Variants in MED27 observed in about 807,000 individuals in gnomAD.
MED27 encodes the protein mediator complex subunit 27, also known as mediator of RNA polymerase II transcription subunit 27.
In MED27, 30 loss-of-function variants were observed where a neutral mutation model predicts 38.2. The ratio of observed to expected loss-of-function variants is 0.79; its 90% CI spans 0.59 to 1.07. The LOEUF (loss-of-function observed/expected upper bound fraction) is 1.07. Among genes scored for constraint, MED27 ranks in the 50% least tolerant of loss-of-function variants. MED27 has a pLI of 0.00. For missense variants in MED27, 289 were observed against 397.5 expected (o/e 0.73, Z 2.32); for synonymous variants, 122 against 153.5 (o/e 0.79, Z 1.52).
intron 2 of MED27, among the ~76,000 whole-genome samples, chr9:132,057,273 G>C (rs1009024904): frequency 6.6e-6 from 1 of 152,206 alleles, no homozygotes; most frequent in Admixed American, 6.5e-5. Context: ...CTGGTTTCAG[G>C]CAAGGCATGT....
At chr9:131,969,104 T>C (rs534113158) in intron 3 of MED27, among the ~76,000 whole-genome samples, 2 of 152,270 alleles carry the variant, frequency 1.3e-5, no homozygotes, top group Non-Finnish European at 2.9e-5. Context: ...GACAATGTAA[T>C]GATAATAGAA....
intron 1 of MED27, 131 bp downstream of exon 1, chr9:132,079,511 A>G: frequency 1.2e-6 from 1 of 815,788 alleles, no homozygotes; most frequent in East Asian, 2.6e-5. Flanking sequence ...AGAGGCTTGG[A>G]GAACAAGAAG....
intron 3 of MED27, among the ~76,000 whole-genome samples, chr9:132,005,377 T>A (rs1464291285): frequency 6.6e-6 from 1 of 152,214 alleles, no homozygotes; most frequent in Non-Finnish European, 1.5e-5. Flanking sequence ...AGGCAAGGCC[T>A]TTCTCTGTTC....
intron 2 of MED27, 127 bp from the exon 3 acceptor site, chr9:132,014,594 A>G: frequency 3.3e-6 from 3 of 900,996 alleles, no homozygotes; most frequent in Non-Finnish European, 3.2e-6. Context: ...TTCAAATACA[A>G]CTGCTCACAT....
intron 3 of MED27, among the ~76,000 whole-genome samples, chr9:131,999,033 T>C (rs2131053746): frequency 6.6e-6 from 1 of 152,260 alleles, no homozygotes; most frequent in East Asian, 1.9e-4. Flanking sequence ...AAACAAAAAT[T>C]TAAGACTGTG....
At chr9:131,882,191 C>T (rs1046114599) in intron 6 of MED27, among the ~76,000 whole-genome samples, 3 of 152,152 alleles carry the variant, frequency 2.0e-5, no homozygotes, top group Non-Finnish European at 4.4e-5. Flanking sequence ...CTCCCCTAAT[C>T]CTAGACGCCT....
chr9:132,030,199 G>A (rs1362300227), intron 2 of MED27, among the ~76,000 whole-genome samples: 3 of 152,228 alleles, frequency 2.0e-5, no homozygotes, highest in Admixed American at 1.3e-4. Flanking sequence ...CCAGAGCCAC[G>A]TTGTCTCAAA....
chr9:131,893,761 A>G (rs1315242765), intron 5 of MED27, 124 bp downstream of exon 5: 1 of 683,012 alleles, frequency 1.5e-6, no homozygotes, highest in Non-Finnish European at 2.6e-6. Context: ...CACACTGACA[A>G]ATCTATGTTT....
intron 6 of MED27, among the ~76,000 whole-genome samples, chr9:131,870,831 C>T (rs913284206): frequency 1.3e-5 from 2 of 152,212 alleles, no homozygotes; most frequent in Non-Finnish European, 2.9e-5. Flanking sequence ...TTCAACCTGT[C>T]TGGCTCCCTG....
intron 3 of MED27, among the ~76,000 whole-genome samples, chr9:132,001,085 G>A (rs1215217487): frequency 1.3e-5 from 2 of 151,768 alleles, no homozygotes; most frequent in African/African-American, 4.8e-5. Context: ...GGGCGACAAA[G>A]CAACATCCTG....
chr9:132,078,538 G>C (rs966443546), intron 1 of MED27, among the ~76,000 whole-genome samples: 1 of 152,070 alleles, frequency 6.6e-6, no homozygotes, highest in African/African-American at 2.4e-5. Flanking sequence ...AAGCGGATGT[G>C]GGCGTTGAGG....
intron 3 of MED27, among the ~76,000 whole-genome samples, chr9:131,942,346 T>A (rs531555418): frequency 3.3e-5 from 5 of 152,192 alleles, no homozygotes; most frequent in African/African-American, 1.2e-4. Context: ...TGAAGGCACA[T>A]GACAAAAACA....
rs991210554 is a variant in MED27 at position 131,862,062 on chromosome 9, C to T, written c.801+1001G>A. 3.9e-5 allele frequency among the ~76,000 whole-genome samples: 6 copies of T among 152,210 alleles called. No homozygotes were observed. Among genetic ancestry groups the T allele is most frequent in the Non-Finnish European group, 7.3e-5 (5 of 68,032 alleles). On this transcript the variant is annotated intron_variant, in intron 7 of 7. Coordinates refer to ENST00000292035, the MANE Select transcript of MED27 (RefSeq NM_004269.4). The surrounding 1 kb of genome is among the most constrained non-coding windows in gnomAD (Gnocchi z 4.6). Reference sequence around the variant, plus strand: ...TCAGGGGAACTGTTCCCTGGACACACAGAAGGACCACTCTGTGGGAGCTCT... The same window carrying T: ...TCAGGGGAACTGTTCCCTGGACACATAGAAGGACCACTCTGTGGGAGCTCT...
At chr9:131,908,444 G>A (rs565288315) in intron 4 of MED27, among the ~76,000 whole-genome samples, 1 of 152,378 alleles carries the variant, frequency 6.6e-6, no homozygotes, top group Admixed American at 6.5e-5. Context: ...AGCGGGGAAA[G>A]GTGGGGAAAA....
chr9:132,001,342 G>T (rs926608078), intron 3 of MED27, among the ~76,000 whole-genome samples: 2 of 151,942 alleles, frequency 1.3e-5, no homozygotes, highest in African/African-American at 4.8e-5. Flanking sequence ...CTTTAAACAG[G>T]TATAATTGAT....
chr9:131,909,228 C>A (rs1291225195), intron 4 of MED27, among the ~76,000 whole-genome samples: 2 of 152,116 alleles, frequency 1.3e-5, no homozygotes, highest in Non-Finnish European at 1.5e-5. Context: ...TCCTTTTCAC[C>A]AAGTTTAGGA....
chr9:132,047,078 G>T (rs549173316), intron 2 of MED27, among the ~76,000 whole-genome samples: 26 of 152,092 alleles, frequency 1.7e-4, no homozygotes, highest in Non-Finnish European at 2.9e-4. Context: ...ATATACACAT[G>T]CAATCTTAAA....
chr9:131,961,696 T>C (rs1041106829), intron 3 of MED27, among the ~76,000 whole-genome samples: 2 of 152,202 alleles, frequency 1.3e-5, no homozygotes, highest in African/African-American at 2.4e-5. Flanking sequence ...AGGAGCCTCA[T>C]GCTGGGGAGG....
At chr9:131,936,781 T>C (rs1028652161) in intron 4 of MED27, among the ~76,000 whole-genome samples, 1 of 152,204 alleles carries the variant, frequency 6.6e-6, no homozygotes, top group African/African-American at 2.4e-5. Context: ...TCTTTCCTTA[T>C]GTAAGTCAAT....
Sources: allele counts gnomAD v4.1 joint callset (sites outside exome capture counted in the v4.1 genomes callset), GRCh38; gene constraint gnomAD v4.1.1; non-coding constraint Gnocchi (gnomAD v3.1); transcripts MANE v1.5; gene names NCBI Gene and HGNC (gene_info 2026-07-23, HGNC 2026-07-21).